The following OARD1 variants were observed in gnomAD, a reference collection of about 807,000 sequenced individuals.
The protein encoded by OARD1 is O-acyl-ADP-ribose deacylase 1.
Under a neutral mutation model 19.7 loss-of-function variants are expected in OARD1, and 19 were observed. The observed-to-expected ratio is 0.96, with a 90% confidence interval of 0.67 to 1.41. The LOEUF is 1.41. Among genes scored for constraint, OARD1 ranks in the 40% most tolerant of loss-of-function variants. The pLI, the probability that OARD1 is intolerant of heterozygous loss-of-function variation, is 0.00. For synonymous variants in OARD1, 70 were observed against 61.8 expected, an observed-to-expected ratio of 1.13 and a Z score of -0.62; for missense variants, 190 against 183.8, an observed-to-expected ratio of 1.03 and a Z score of -0.20.
upstream of OARD1, among the ~76,000 whole-genome samples, chr6:41,077,212 T>C (rs970320472): frequency 6.6e-6 from 1 of 152,208 alleles, no homozygotes; most frequent in Non-Finnish European, 1.5e-5. Flanking sequence ...ATGATCCTTA[T>C]TTTTTAAAAT....
intron 1 of OARD1, chr6:41,091,841 A>T (rs1426235145): frequency 1.1e-6 from 1 of 875,890 alleles, no homozygotes; most frequent in African/African-American, 1.7e-5. Context: ...TAACATTATG[A>T]CAAACCATAA....
chr6:41,090,369 A>T, intron 1 of OARD1: 2 of 993,834 alleles, frequency 2.0e-6, no homozygotes, highest in Non-Finnish European at 3.2e-6. Context: ...TCCCTTAGAC[A>T]ACTGACATCT....
chr6:41,074,271 C>T (rs962227765), upstream of OARD1, among the ~76,000 whole-genome samples: 3 of 152,118 alleles, frequency 2.0e-5, no homozygotes, highest in Non-Finnish European at 4.4e-5. Context: ...TGGGGTTTTC[C>T]TTAGGGTGAG....
rs2114037372 is a variant in OARD1 at position 41,065,810 on chromosome 6, T to A, written c.*1525A>T. ...AGCCCCTTCTAAAATACAGTTGTTC[T>A]TTTATACTTGGGAAAGCAGCAAGTC... On this transcript the variant is annotated 3_prime_UTR_variant, in exon 6 of 6. Transcript: ENST00000424266. The A allele has an allele frequency of 6.6e-6, 1 of 152,378 alleles. No individual in the cohort carries two copies. Among genetic ancestry groups the A allele is most frequent in the Admixed American group, 6.5e-5 (1 of 15,304 alleles). 9.4% of individuals were successfully genotyped at this position (152,378 alleles called of 1,614,324 possible).
intron 1 of OARD1, among the ~76,000 whole-genome samples, chr6:41,096,674 G>A (rs1764365101): frequency 6.6e-6 from 1 of 152,158 alleles, no homozygotes; most frequent in Non-Finnish European, 1.5e-5. Context: ...CCTTGGTATG[G>A]GGGAACTAAA....
At position 41,085,752 on chromosome 6, in the gene OARD1, ATT is replaced by A. The variant is rs3840128; in HGVS notation, c.-42+11959_-42+11960del. On this transcript the variant is annotated intron_variant, in intron 1 of 4. Coordinates refer to the OARD1 transcript ENST00000480585. Reference sequence around the variant, plus strand: ...ACCATGCATGTGGGGTTGTGTTTTCATTTTTTTTTTTTAATTCTTTCATAATG... The same window carrying A: ...ACCATGCATGTGGGGTTGTGTTTTCATTTTTTTTTTAATTCTTTCATAATG... 2.7e-4 allele frequency among the ~76,000 whole-genome samples: 40 copies of A among 146,276 alleles called. 1 individual carries two copies. The highest frequency in any genetic ancestry group is 7.9e-4 in the African/African-American group (32 of 40,496).
intron 1 of OARD1, among the ~76,000 whole-genome samples, chr6:41,087,657 T>A (rs940599993): frequency 6.6e-6 from 1 of 152,214 alleles, no homozygotes; most frequent in Non-Finnish European, 1.5e-5. Flanking sequence ...TATTCTTGAA[T>A]ATAAAATACA....
chr6:41,070,204 T>A, intron 3 of OARD1, 70 bp from the exon 4 acceptor site: 1 of 871,836 alleles, frequency 1.1e-6, no homozygotes, highest in African/African-American at 1.7e-5. Context: ...GATTTTAAAA[T>A]GTTTACAGAT....
At chr6:41,072,361 TC>T (rs1424907992), upstream of OARD1, 2 of 151,762 alleles carry the variant, frequency 1.3e-5, no homozygotes, top group Non-Finnish European at 2.9e-5. Flanking sequence ...TGTTTGGAGG[TC>T]CCCGCCCCGC....
intron 1 of OARD1, chr6:41,084,134 G>C (rs200299860): frequency 6.2e-7 from 1 of 1,614,126 alleles, no homozygotes; most frequent in East Asian, 2.2e-5. Flanking sequence ...GCTGTCCCTG[G>C]TGGACAAGGT....
At chr6:41,082,507 G>T (rs1463486733) in intron 1 of OARD1, among the ~76,000 whole-genome samples, 1 of 152,136 alleles carries the variant, frequency 6.6e-6, no homozygotes, top group East Asian at 1.9e-4. Context: ...TCATGTGCAC[G>T]AATAGCACAT....
intron 1 of OARD1, chr6:41,083,915 A>G (rs1763975686): frequency 1.2e-6 from 1 of 830,226 alleles, no homozygotes; most frequent in Non-Finnish European, 1.8e-6. Context: ...GACTTGAGAC[A>G]TATATTTTCT....
At chr6:41,090,351 C>T in intron 1 of OARD1, 1 of 1,321,610 alleles carries the variant, frequency 7.6e-7, no homozygotes, top group South Asian at 1.2e-5. Flanking sequence ...TTTGGGGCAA[C>T]TTTTTTGTCC....
chr6:41,070,444 A>C (rs1339388155), intron 3 of OARD1, among the ~76,000 whole-genome samples: 4 of 152,168 alleles, frequency 2.6e-5, no homozygotes, highest in Admixed American at 1.3e-4. Flanking sequence ...AAATTGTTTT[A>C]TAGTGTGTAG....
upstream of OARD1, chr6:41,075,389 A>G (rs1037679982): frequency 2.6e-5 from 4 of 152,352 alleles, no homozygotes; most frequent in Non-Finnish European, 5.9e-5. Context: ...AAAAATAGGT[A>G]TGTTCTGGTC....
chr6:41,085,643 C>T (rs1310544752), intron 1 of OARD1, among the ~76,000 whole-genome samples: 3 of 152,118 alleles, frequency 2.0e-5, no homozygotes, highest in Non-Finnish European at 2.9e-5. Context: ...AAAAAAGCAG[C>T]CATGATCCCA....
At chr6:41,068,704 TG>T in intron 5 of OARD1, 136 bp downstream of exon 5, 1 of 524,966 alleles carries the variant, frequency 1.9e-6, no homozygotes, top group East Asian at 3.3e-5. Flanking sequence ...GGTTCACTGG[TG>T]GTTTTACAAA....
chr6:41,096,308 C>T (rs1764355038), intron 1 of OARD1, among the ~76,000 whole-genome samples: 1 of 152,216 alleles, frequency 6.6e-6, no homozygotes, highest in Non-Finnish European at 1.5e-5. Flanking sequence ...GAGAGCCCCT[C>T]CTTTCTCATT....
chr6:41,092,306 G>A (rs1314748729), intron 1 of OARD1, among the ~76,000 whole-genome samples: 1 of 152,192 alleles, frequency 6.6e-6, no homozygotes, highest in Non-Finnish European at 1.5e-5. Context: ...CCAGGAGGAT[G>A]GCTTAAGTCC....
Sources: gnomAD v4.1 joint callset for allele counts (sites outside exome capture counted in the v4.1 genomes callset) on GRCh38, gnomAD v4.1.1 for gene constraint, MANE v1.5 for transcripts, NCBI Gene and HGNC (gene_info 2026-07-23, HGNC 2026-07-21) for gene names.